KCNG2: variants seen among roughly 807,000 people sequenced by gnomAD.
The protein encoded by KCNG2 is voltage-gated potassium channel regulatory subunit KCNG2.
In KCNG2, 7 loss-of-function variants were observed where a neutral mutation model predicts 12.3. The observed-to-expected ratio is 0.57, with a 90% CI of 0.32 to 1.07. The LOEUF (loss-of-function observed/expected upper bound fraction) is 1.07. Among genes scored for constraint, KCNG2 ranks in the 50% least tolerant of loss-of-function variants. KCNG2 has a pLI of 0.04. For synonymous variants in KCNG2, 414 were observed against 351.4 expected, an observed-to-expected ratio of 1.18 and a Z score of -1.99; for missense variants, 703 against 726.0, an observed-to-expected ratio of 0.97 and a Z score of 0.36.
intron 3 of KCNG2, among the ~76,000 whole-genome samples, chr18:79,897,533 A>G (rs1394615490): frequency 6.6e-6 from 1 of 152,154 alleles, no homozygotes. Flanking sequence ...AATCTCATTC[A>G]GTTAAATTTG....
intron 2 of KCNG2, among the ~76,000 whole-genome samples, chr18:79,860,825 C>A (rs1979186782): frequency 6.6e-6 from 1 of 152,120 alleles, no homozygotes; most frequent in African/African-American, 2.4e-5. Context: ...CCTAATTTTT[C>A]TGACTATAAT....
At chr18:79,871,044 G>A (rs937642703) in intron 3 of KCNG2, among the ~76,000 whole-genome samples, 2 of 152,100 alleles carry the variant, frequency 1.3e-5, no homozygotes, top group African/African-American at 2.4e-5. Flanking sequence ...GACCAGCACC[G>A]AGAGACCAGA....
In KCNG2 at chr18:79,864,225, C is replaced by A; in HGVS notation, c.558C>A (p.Phe186Leu). The change falls in exon 3 of 4, where the codon TTC (phenylalanine) becomes TTA (leucine). Residue 186 changes from phenylalanine to leucine, a missense_variant. Coordinates refer to ENST00000316249, the MANE Select transcript of KCNG2 (RefSeq NM_012283.2). ...TCTTCGCCTGCGTGTCCGTGTCCTT[C>A]GTGGCCGTCACGGCCGTGGGCCTCT... ...GKLFACVSVS[F>L]VAVTAVGLCL... 1 of 1,552,040 alleles carries A rather than the reference C, an allele frequency of 6.4e-7. No individual in the cohort carries two copies. The highest frequency in any genetic ancestry group is 8.7e-7 in the Non-Finnish European group (1 of 1,153,302).
intron 1 of KCNG2, among the ~76,000 whole-genome samples, chr18:79,825,662 G>T (rs957039219): frequency 2.0e-5 from 3 of 152,198 alleles, no homozygotes; most frequent in Non-Finnish European, 4.4e-5. Context: ...GGATTAATAC[G>T]AAGGTAGATC....
At chr18:79,833,247 C>T (rs1262769743) in intron 1 of KCNG2, among the ~76,000 whole-genome samples, 1 of 152,086 alleles carries the variant, frequency 6.6e-6, no homozygotes, top group African/African-American at 2.4e-5. Context: ...GCAATCCCCC[C>T]ATCTCAGCCT....
intron 2 of KCNG2, among the ~76,000 whole-genome samples, chr18:79,861,304 G>T (rs1183562250): frequency 1.9e-5 from 2 of 105,852 alleles, no homozygotes; most frequent in Non-Finnish European, 1.8e-5. Flanking sequence ...TTGAGATGGA[G>T]TTCTCACTCT....
chr18:79,896,186 G>T (rs1053790857), intron 3 of KCNG2, among the ~76,000 whole-genome samples: 3 of 152,084 alleles, frequency 2.0e-5, no homozygotes. Flanking sequence ...GGCTGGTGTA[G>T]AACCCCTGAC....
intron 1 of KCNG2, among the ~76,000 whole-genome samples, chr18:79,812,712 T>C (rs911861130): frequency 1.3e-5 from 2 of 151,860 alleles, no homozygotes; most frequent in African/African-American, 4.8e-5. Context: ...AATACAAAAA[T>C]TAGCCAGGCG....
intron 1 of KCNG2, among the ~76,000 whole-genome samples, chr18:79,851,675 G>A (rs1161361060): frequency 6.6e-6 from 1 of 151,746 alleles, no homozygotes; most frequent in Non-Finnish European, 1.5e-5. Flanking sequence ...GTGTCAATGT[G>A]TGTGAATGTG....
rs760752482 is a variant in KCNG2, at chr18:79,899,730, G to A, written c.1315G>A (p.Ala439Thr). The A allele has an allele frequency of 6.2e-7, 1 of 1,600,354 alleles. No homozygotes were observed. Among genetic ancestry groups the A allele is most frequent in the Non-Finnish European group, 8.5e-7 (1 of 1,176,438 alleles). The change falls in exon 4 of 4, where the codon GCC (alanine) becomes ACC (threonine). Residue 439 changes from alanine to threonine, a missense_variant. Ala to Thr is a moderately conservative substitution (Grantham distance 58). Coordinates refer to ENST00000316249, the MANE Select transcript of KCNG2 (RefSeq NM_012283.2). ...LQEDSTHSATATEDSSQGPDS... is the reference protein window; with the variant it reads ...LQEDSTHSATTTEDSSQGPDS... ...GGAGGACAGCACGCACTCGGCCACA[G>A]CCACCGAGGACAGCTCGCAGGGCCC...
At chr18:79,836,253 T>C (rs1203720021) in intron 1 of KCNG2, among the ~76,000 whole-genome samples, 1 of 152,218 alleles carries the variant, frequency 6.6e-6, no homozygotes, top group Non-Finnish European at 1.5e-5. Context: ...TAAGGTAGAC[T>C]TCAAGGTAAA....
rs974920961 is a variant in KCNG2 at position 79,809,943 on chromosome 18, T to G, written c.-115+11929T>G. Among the ~76,000 whole-genome samples the G allele has an allele frequency of 3.3e-5, 5 of 152,348 alleles. No homozygotes were observed. The East Asian group carries it at 9.6e-4, about 29-fold the overall frequency. On this transcript the variant is annotated intron_variant, in intron 1 of 3. Transcript: ENST00000316249. ...TCCGGGGCTCATGGGGTTGTGGGGCTGGTGGGCGGAGTCCTGTGCTCATTG... is the reference window on the plus strand; with the variant it reads ...TCCGGGGCTCATGGGGTTGTGGGGCGGGTGGGCGGAGTCCTGTGCTCATTG...
At chr18:79,827,524 C>T (rs1351993569) in intron 1 of KCNG2, among the ~76,000 whole-genome samples, 1 of 152,176 alleles carries the variant, frequency 6.6e-6, no homozygotes, top group Non-Finnish European at 1.5e-5. Context: ...TTTTTAGGAC[C>T]TCCAGCAGCC....
At chr18:79,815,711 GA>G (rs1241454347) in intron 1 of KCNG2, among the ~76,000 whole-genome samples, 1 of 152,210 alleles carries the variant, frequency 6.6e-6, no homozygotes. Context: ...TGGGGAGGGA[GA>G]AAAGAGGGGC....
At chr18:79,826,639 A>G (rs555218773) in intron 1 of KCNG2, among the ~76,000 whole-genome samples, 4 of 145,330 alleles carry the variant, frequency 2.8e-5, no homozygotes, top group Admixed American at 6.8e-5. Context: ...GGAAGATTAC[A>G]TTCGGCGCGT....
intron 1 of KCNG2, among the ~76,000 whole-genome samples, chr18:79,805,539 CTTT>C (rs926085260): frequency 6.7e-6 from 1 of 149,994 alleles, no homozygotes; most frequent in South Asian, 2.1e-4. Flanking sequence ...TCTCCATTGC[CTTT>C]TTTTTTTCTT....
intron 1 of KCNG2, among the ~76,000 whole-genome samples, chr18:79,826,796 G>A (rs1978286465): frequency 6.6e-6 from 1 of 151,530 alleles, no homozygotes; most frequent in Admixed American, 6.6e-5. Context: ...ATTACGTTCA[G>A]TGAAAGAACT....
At chr18:79,812,680 G>A (rs918905817) in intron 1 of KCNG2, among the ~76,000 whole-genome samples, 12 of 152,150 alleles carry the variant, frequency 7.9e-5, no homozygotes, top group African/African-American at 2.9e-4. Flanking sequence ...GGCCAACATG[G>A]CAAAACCTCA....
At chr18:79,843,242 T>C (rs1217428884) in intron 1 of KCNG2, among the ~76,000 whole-genome samples, 4 of 152,178 alleles carry the variant, frequency 2.6e-5, no homozygotes, top group Admixed American at 6.5e-5. Flanking sequence ...AAGAATATTA[T>C]ACTCGGCAAA....
Sources: allele counts gnomAD v4.1 joint callset (sites outside exome capture counted in the v4.1 genomes callset), GRCh38; gene constraint gnomAD v4.1.1; transcripts MANE v1.5; gene names NCBI Gene and HGNC (gene_info 2026-07-23, HGNC 2026-07-21).